The following ULK4 variants were observed in gnomAD, a reference collection of about 807,000 sequenced individuals.
The protein encoded by ULK4 is unc-51 like kinase 4.
ULK4 carries 133 observed loss-of-function variants against 160.6 expected under a neutral mutation model. The ratio of observed to expected loss-of-function variants is 0.83; its 90% CI spans 0.72 to 0.96. ULK4 has a LOEUF of 0.96. ULK4 is among the 40% of genes least tolerant of loss of function. The pLI is 0.00. For synonymous variants in ULK4, 534 were observed against 539.8 expected (o/e 0.99, Z 0.15); for missense variants, 1,580 against 1,499.5 (o/e 1.05, Z -0.89).
chr3:41,378,132 C>T (rs926442566), intron 35 of ULK4, among the ~76,000 whole-genome samples: 1 of 148,990 alleles, frequency 6.7e-6, no homozygotes, highest in Admixed American at 6.8e-5. Flanking sequence ...GAACAAAAAA[C>T]CAAACACCAC....
At chr3:41,506,737 T>C (rs2085383376) in intron 32 of ULK4, among the ~76,000 whole-genome samples, 1 of 106,020 alleles carries the variant, frequency 9.4e-6, no homozygotes, top group Non-Finnish European at 1.9e-5. Context: ...ACCACAGTTC[T>C]CCAAAGCAAT....
intron 22 of ULK4, among the ~76,000 whole-genome samples, chr3:41,724,722 C>T (rs1419631571): frequency 6.6e-6 from 1 of 150,504 alleles, no homozygotes; most frequent in African/African-American, 2.4e-5. Context: ...GACTCTGTCT[C>T]AAAACAAAAC....
chr3:41,689,535 T>C (rs2036211995), intron 27 of ULK4, among the ~76,000 whole-genome samples: 1 of 152,146 alleles, frequency 6.6e-6, no homozygotes, highest in South Asian at 2.1e-4. Flanking sequence ...TTTCGCAACC[T>C]ACTCATCTGA....
At chr3:41,876,948 T>A (rs1697326281) in intron 17 of ULK4, among the ~76,000 whole-genome samples, 1 of 152,304 alleles carries the variant, frequency 6.6e-6, no homozygotes, top group South Asian at 2.1e-4. Context: ...CAGTGACAGT[T>A]TATTGGGTTT....
chr3:41,447,561 G>A (rs2083329164), intron 34 of ULK4, among the ~76,000 whole-genome samples: 1 of 152,062 alleles, frequency 6.6e-6, no homozygotes, highest in African/African-American at 2.4e-5. Flanking sequence ...CTTCCCTAAA[G>A]CTAGACAAAT....
rs534879822 is a variant in ULK4, at chr3:41,383,089, C to CT, written c.3678+14989dup. ...ACCACAAGGAGGTATTTTTCTTTTT[C>CT]TTTTTTTTTTTCTTGTTTTTTTTTC... On this transcript the variant is annotated intron_variant, in intron 35 of 36. Coordinates refer to ENST00000301831, the MANE Select transcript of ULK4 (RefSeq NM_017886.4). Among the ~76,000 whole-genome samples the CT allele has an allele frequency of 5.7e-4, 81 of 141,930 alleles. No homozygotes were observed. In the South Asian group the frequency reaches 7.7e-3, roughly 14 times the overall value. The allele number at this position is 141,930 out of a possible 152,430, so 93.1% of individuals were successfully genotyped here.
intron 30 of ULK4, among the ~76,000 whole-genome samples, chr3:41,633,184 T>C (rs536085053): frequency 6.6e-6 from 1 of 152,292 alleles, no homozygotes; most frequent in South Asian, 2.1e-4. Flanking sequence ...ACATTATCCT[T>C]CAGGTCAGGG....
chr3:41,911,984 C>G (rs1228571717), intron 9 of ULK4, among the ~76,000 whole-genome samples: 2 of 151,654 alleles, frequency 1.3e-5, no homozygotes, highest in African/African-American at 2.4e-5. Context: ...GAGACCTTGT[C>G]TCTACTTTTT....
chr3:41,579,783 C>T (rs1033485538), intron 31 of ULK4, among the ~76,000 whole-genome samples: 4 of 152,132 alleles, frequency 2.6e-5, no homozygotes, highest in African/African-American at 4.8e-5. Context: ...TGAGCCACCG[C>T]GCCCGGCCTG....
At chr3:41,894,796 T>A (rs1229736699) in intron 16 of ULK4, among the ~76,000 whole-genome samples, 1 of 152,116 alleles carries the variant, frequency 6.6e-6, no homozygotes, top group African/African-American at 2.4e-5. Context: ...CATTTCCTTG[T>A]CCCACCCACA....
rs571498248 is a variant in ULK4 at position 41,473,656 on chromosome 3, T to C, written c.3227-10403A>G. Among the ~76,000 whole-genome samples, 570 of 99,048 alleles carry C rather than the reference T, an allele frequency of 5.8e-3. 10 individuals carry two copies. Among genetic ancestry groups the C allele is most frequent in the African/African-American group, 0.029 (540 of 18,708 alleles). 65.0% of individuals were successfully genotyped at this position (99,048 alleles called of 152,430 possible). A position where few individuals can be genotyped will look rare whatever the true frequency, so the allele number is the denominator to read the frequency against. Reference sequence around the variant, plus strand: ...CAGGCTGGGCAACAGAATGAGATTCTGTCTCAAAGAAAAAAAAAAAAAAAA... The same window carrying C: ...CAGGCTGGGCAACAGAATGAGATTCCGTCTCAAAGAAAAAAAAAAAAAAAA... On this transcript the variant is annotated intron_variant, in intron 32 of 36. Transcript: ENST00000301831.
intron 14 of ULK4, 44 bp from the exon 15 acceptor site, chr3:41,897,047 A>G (rs1307051415): frequency 6.6e-7 from 1 of 1,508,518 alleles, no homozygotes; most frequent in South Asian, 1.2e-5. Flanking sequence ...GATGAGAAAA[A>G]GAACTGCTGG....
At position 41,681,157 on chromosome 3, in the gene ULK4, G is replaced by A. The variant is rs533826733; in HGVS notation, c.2978+351C>T. Among the ~76,000 whole-genome samples, 11 of 152,236 alleles carry A rather than the reference G, an allele frequency of 7.2e-5. No homozygotes were observed. The South Asian group carries it at 1.9e-3, about 26-fold the overall frequency. On this transcript the variant is annotated intron_variant, in intron 29 of 36. Coordinates refer to ENST00000301831, the MANE Select transcript of ULK4 (RefSeq NM_017886.4). Reference sequence around the variant, plus strand: ...CTCTATTATTTCTGAGTAGAGCCAGGAGAAGTCTCAATTTCATGTTCCAGT... The same window carrying A: ...CTCTATTATTTCTGAGTAGAGCCAGAAGAAGTCTCAATTTCATGTTCCAGT...
rs1014057016 is a variant in ULK4, at chr3:41,552,005, T to TA, written c.3226+14019dup. 9.9e-5 allele frequency among the ~76,000 whole-genome samples: 15 copies of TA among 151,826 alleles called. No individual in the cohort carries two copies. In the East Asian group the frequency reaches 1.4e-3, roughly 14 times the overall value. ...ATACATCATCTCACAGAATGAAGGA[T>TA]AAAAAACGTGATCATCTCAAAGAAT... is the stretch of plus-strand genomic sequence containing the variant. On this transcript the variant is annotated intron_variant, in intron 32 of 36. Coordinates refer to ENST00000301831, the MANE Select transcript of ULK4 (RefSeq NM_017886.4).
chr3:41,642,206 T>C (rs1464935121), intron 30 of ULK4, among the ~76,000 whole-genome samples: 1 of 152,104 alleles, frequency 6.6e-6, no homozygotes, highest in African/African-American at 2.4e-5. Context: ...TTTTTTTTAA[T>C]ACTTTAAGTT....
intron 32 of ULK4, among the ~76,000 whole-genome samples, chr3:41,506,276 C>T (rs191570437): frequency 2.8e-4 from 42 of 152,228 alleles, no homozygotes; most frequent in African/African-American, 8.7e-4. Flanking sequence ...CAGGCATAAA[C>T]CAAAGAGAAG....
intron 35 of ULK4, among the ~76,000 whole-genome samples, chr3:41,273,802 G>A (rs979730950): frequency 6.6e-6 from 1 of 152,072 alleles, no homozygotes; most frequent in Non-Finnish European, 1.5e-5. Context: ...GACTAAATTA[G>A]TTCTCACCAG....
intron 36 of ULK4, among the ~76,000 whole-genome samples, chr3:41,247,577 G>A (rs2078667513): frequency 6.7e-6 from 1 of 150,094 alleles, no homozygotes; most frequent in Admixed American, 6.8e-5. Flanking sequence ...ACTCTTGACT[G>A]CACAGAAATA....
At chr3:41,708,528 A>G (rs1439425203) in intron 25 of ULK4, among the ~76,000 whole-genome samples, 2 of 152,136 alleles carry the variant, frequency 1.3e-5, no homozygotes, top group African/African-American at 4.8e-5. Flanking sequence ...GGGGTAGGGG[A>G]AAGACATTGG....
Sources: allele counts gnomAD v4.1 joint callset (sites outside exome capture counted in the v4.1 genomes callset), GRCh38; gene constraint gnomAD v4.1.1; transcripts MANE v1.5; gene names NCBI Gene and HGNC (gene_info 2026-07-23, HGNC 2026-07-21).